Variants in NAALADL2 observed in about 807,000 individuals in gnomAD.
NAALADL2 encodes inactive N-acetylated-alpha-linked acidic dipeptidase-like protein 2.
Under a neutral mutation model 87.2 loss-of-function variants are expected in NAALADL2, and 76 were observed. The ratio of observed to expected loss-of-function variants is 0.87; its 90% CI spans 0.72 to 1.05. The LOEUF (loss-of-function observed/expected upper bound fraction) is 1.05. Ranked by LOEUF, NAALADL2 falls within the 50% of genes least tolerant of loss-of-function variation. NAALADL2 has a pLI of 0.00. For missense variants in NAALADL2, 1,089 were observed against 945.8 expected (o/e 1.15, Z -1.99); for synonymous variants, 354 against 331.0 (o/e 1.07, Z -0.75).
intron 2 of NAALADL2, among the ~76,000 whole-genome samples, chr3:175,162,990 ATTTC>A (rs1425173851): frequency 6.6e-6 from 1 of 152,112 alleles, no homozygotes; most frequent in Non-Finnish European, 1.5e-5. Flanking sequence ...GGAACTAATC[ATTTC>A]TTTCTTTTCT....
chr3:175,492,697 A>C (rs1466433284), intron 9 of NAALADL2, among the ~76,000 whole-genome samples: 1 of 152,144 alleles, frequency 6.6e-6, no homozygotes, highest in East Asian at 1.9e-4. Context: ...TTCATATACA[A>C]ATGTAAATTA....
chr3:175,798,422 A>G (rs751409974), intron 13 of NAALADL2, among the ~76,000 whole-genome samples: 9 of 152,056 alleles, frequency 5.9e-5, no homozygotes, highest in Non-Finnish European at 1.3e-4. Flanking sequence ...CTTCCATAAT[A>G]GCTTGCCACA....
At chr3:175,793,494 T>A (rs13064261) in intron 13 of NAALADL2, among the ~76,000 whole-genome samples, 6,087 of 151,372 alleles carry the variant, frequency 0.04, 137 homozygotes, top group Middle Eastern at 0.068. Context: ...TTTTTGTATA[T>A]TTAGTAGAGA....
intron 11 of NAALADL2, chr3:175,718,227 T>TTTTTG: frequency 1.9e-6 from 2 of 1,037,680 alleles, no homozygotes; most frequent in Non-Finnish European, 1.4e-6. Flanking sequence ...TTTTTTTGAT[T>TTTTTG]AGTTGCTGTA....
chr3:174,887,788 C>T (rs1356975968), intron 1 of NAALADL2, among the ~76,000 whole-genome samples: 2 of 150,628 alleles, frequency 1.3e-5, no homozygotes, highest in Non-Finnish European at 2.9e-5. Context: ...AGAGCGATAC[C>T]CTGTCTCAAA....
intron 1 of NAALADL2, among the ~76,000 whole-genome samples, chr3:175,054,432 C>T (rs534091316): frequency 9.3e-4 from 141 of 152,292 alleles, no homozygotes; most frequent in African/African-American, 1.9e-3. Context: ...GTAATGCTCC[C>T]GTGGGTTGTA....
At chr3:175,787,577 C>G (rs867842697) in intron 13 of NAALADL2, among the ~76,000 whole-genome samples, 2 of 152,102 alleles carry the variant, frequency 1.3e-5, no homozygotes, top group Admixed American at 6.5e-5. Context: ...GGCTCGCGCA[C>G]GGTGCGCGCA....
intron 5 of NAALADL2, among the ~76,000 whole-genome samples, chr3:175,395,470 T>A (rs528513921): frequency 6.6e-6 from 1 of 152,258 alleles, no homozygotes; most frequent in East Asian, 1.9e-4. Context: ...AGTTTCTCAG[T>A]AGCTATCCAT....
intron 3 of NAALADL2, among the ~76,000 whole-genome samples, chr3:174,757,532 C>T (rs546104873): frequency 1.3e-5 from 2 of 151,954 alleles, no homozygotes; most frequent in South Asian, 4.2e-4. Flanking sequence ...CGCTCTGTCG[C>T]CCAGGCTGGA....
intron 2 of NAALADL2, among the ~76,000 whole-genome samples, chr3:174,707,644 T>C (rs1160825499): frequency 1.5e-5 from 1 of 68,032 alleles, no homozygotes; most frequent in Non-Finnish European, 2.8e-5. Context: ...TGGGGCCTGT[T>C]GTGGGGTGGG....
chr3:175,588,999 G>T (rs552973016), intron 10 of NAALADL2, among the ~76,000 whole-genome samples: 1 of 152,288 alleles, frequency 6.6e-6, no homozygotes, highest in East Asian at 1.9e-4. Context: ...TAAATGGTGT[G>T]TGTATACATA....
intron 2 of NAALADL2, among the ~76,000 whole-genome samples, chr3:174,606,038 C>T (rs928670858): frequency 9.9e-5 from 15 of 152,218 alleles, no homozygotes; most frequent in South Asian, 2.1e-4. Context: ...GCAGCCACCG[C>T]TGCTGATACC....
At chr3:174,448,177 G>GA (rs35844821) in intron 1 of NAALADL2, among the ~76,000 whole-genome samples, 1 of 152,158 alleles carries the variant, frequency 6.6e-6, no homozygotes, top group Non-Finnish European at 1.5e-5. Context: ...AGAATGGTAT[G>GA]AAAAGGTACT....
At chr3:175,324,380 A>C in intron 5 of NAALADL2, 55 bp downstream of exon 5, 1 of 1,376,768 alleles carries the variant, frequency 7.3e-7, no homozygotes, top group Non-Finnish European at 9.9e-7. Context: ...CAAGGTTGCA[A>C]TTTATAAATA....
At chr3:175,464,702 C>T (rs544165237) in intron 7 of NAALADL2, among the ~76,000 whole-genome samples, 1 of 152,152 alleles carries the variant, frequency 6.6e-6, no homozygotes, top group Non-Finnish European at 1.5e-5. Context: ...GTTTTACAGC[C>T]TCCCAGTTTC....
At position 175,014,743 on chromosome 3, in the gene NAALADL2, A is replaced by G. The variant is rs150800732; in HGVS notation, c.44-82047A>G. Among the ~76,000 whole-genome samples the G allele has an allele frequency of 2.0e-3, 306 of 152,258 alleles. 1 individual carries two copies. The highest frequency in any genetic ancestry group is 3.6e-3 in the Non-Finnish European group (244 of 68,006). On this transcript the variant is annotated intron_variant, in intron 1 of 13. Transcript: ENST00000454872. ...TTACAAAATTATTTCTGCATCCCAA[A>G]CACTATCTAATTAGATTTGAAATCC... is the stretch of plus-strand genomic sequence containing the variant.
chr3:174,980,150 C>T (rs2108647978), intron 1 of NAALADL2, among the ~76,000 whole-genome samples: 1 of 152,282 alleles, frequency 6.6e-6, no homozygotes, highest in Middle Eastern at 3.4e-3. Context: ...TTAGAATGTC[C>T]TTTGCATAGC....
chr3:175,393,131 G>A (rs1034123510), intron 5 of NAALADL2, among the ~76,000 whole-genome samples: 6 of 148,674 alleles, frequency 4.0e-5, no homozygotes, highest in Middle Eastern at 3.5e-3. Flanking sequence ...AAAATTAGCC[G>A]GGCGCGGTGG....
chr3:175,281,198 C>A (rs1754266155), intron 4 of NAALADL2, among the ~76,000 whole-genome samples: 1 of 151,342 alleles, frequency 6.6e-6, no homozygotes, highest in Non-Finnish European at 1.5e-5. Context: ...TTTAGAACTT[C>A]TTTTCTAAGA....
Sources: gnomAD v4.1 joint callset for allele counts (sites outside exome capture counted in the v4.1 genomes callset) on GRCh38, gnomAD v4.1.1 for gene constraint, MANE v1.5 for transcripts, NCBI Gene and HGNC (gene_info 2026-07-23, HGNC 2026-07-21) for gene names.